The following KDM8 variants were observed in gnomAD, a reference collection of about 807,000 sequenced individuals.
KDM8 encodes bifunctional peptidase and arginyl-hydroxylase JMJD5.
In KDM8, 35 loss-of-function variants were observed where a neutral mutation model predicts 46.9. That is an observed-to-expected ratio of 0.75 (90% CI 0.57 to 0.99). KDM8 has a LOEUF of 0.99. Among genes scored for constraint, KDM8 ranks in the 50% least tolerant of loss-of-function variants. KDM8 has a pLI of 0.00. For synonymous variants in KDM8, 232 were observed against 227.7 expected, an observed-to-expected ratio of 1.02 and a Z score of -0.17; for missense variants, 475 against 537.0, an observed-to-expected ratio of 0.88 and a Z score of 1.14.
At chr16:27,206,901 T>C (rs1054803129) in intron 1 of KDM8, among the ~76,000 whole-genome samples, 1 of 152,162 alleles carries the variant, frequency 6.6e-6, no homozygotes, top group Non-Finnish European at 1.5e-5. Flanking sequence ...AGAGAGTGTT[T>C]CCCCAGCCAG....
Position 27,215,924 on chromosome 16 carries a change from TG to T in KDM8, c.799-19del, listed in dbSNP as rs1567265461. On this transcript the variant is annotated intron_variant, in intron 4 of 7. Transcript: ENST00000286096. The stretch of plus-strand genomic sequence containing the variant: ...CTAACTGGGCTTTCTGTGTTGCCTC[TG>T]GTTTTCCCCGGTGGATTAGCCAAGG... 6.2e-7 allele frequency: 1 copy of T among 1,614,106 alleles called. No individual in the cohort carries two copies. Among genetic ancestry groups the T allele is most frequent in the African/African-American group, 1.3e-5 (1 of 75,056 alleles).
intron 2 of KDM8, chr16:27,211,150 C>T (rs768703263): frequency 3.0e-4 from 132 of 446,058 alleles, no homozygotes; most frequent in Middle Eastern, 1.0e-3. Flanking sequence ...GCAAAGGCAG[C>T]GCCCTTTCAG....
Position 27,219,063 on chromosome 16 carries a change from A to G in KDM8, c.946A>G (p.Thr316Ala), listed in dbSNP as rs1027896823. Residue 316 changes from threonine to alanine, a missense_variant, in exon 6 of 8, where the codon ACC becomes GCC. Coordinates refer to ENST00000286096, the MANE Select transcript of KDM8 (RefSeq NM_024773.3). Reference sequence around the variant, plus strand: ...CAATGCCTGGTTTGGTCCCCAGGGAACCATCTCCCCACTACATCAGGATCC... The same window carrying G: ...CAATGCCTGGTTTGGTCCCCAGGGAGCCATCTCCCCACTACATCAGGATCC... ...TINAWFGPQG[T>A]ISPLHQDPQQ... 3.7e-6 allele frequency: 6 copies of G among 1,613,882 alleles called. No individual in the cohort carries two copies. Among genetic ancestry groups the G allele is most frequent in the Non-Finnish European group, 5.1e-6 (6 of 1,179,928 alleles).
At chr16:27,215,879 C>A in intron 4 of KDM8, 66 bp from the exon 5 acceptor site, 1 of 1,510,700 alleles carries the variant, frequency 6.6e-7, no homozygotes, top group Non-Finnish European at 9.2e-7. Context: ...ACAGCAGCAG[C>A]AGGAGGGCAT....
In KDM8 at chr16:27,213,756, G is replaced by T; in HGVS notation, c.665+5G>T. On this transcript the variant is annotated splice_donor_5th_base_variant and intron_variant, in intron 3 of 7. Coordinates refer to ENST00000286096, the MANE Select transcript of KDM8 (RefSeq NM_024773.3). ...GCCGTGCATGCAGAAGTGGAGGTGGGTGGTCGCTGAGGGAGGTGAGGTCCC... is the reference window on the plus strand; with the variant it reads ...GCCGTGCATGCAGAAGTGGAGGTGGTTGGTCGCTGAGGGAGGTGAGGTCCC... The T allele has an allele frequency of 6.8e-6, 11 of 1,613,476 alleles. No individual in the cohort carries two copies. Among genetic ancestry groups the T allele is most frequent in the Non-Finnish European group, 9.3e-6 (11 of 1,179,610 alleles).
In KDM8 at chr16:27,221,427, G is replaced by C. The variant is rs555705967; in HGVS notation, c.*697G>C. ...GTGGGAGCTTTCTGTCATCCCCATGGCTCAAGGATAACCTACCTGCCTGCA... is the reference window on the plus strand; with the variant it reads ...GTGGGAGCTTTCTGTCATCCCCATGCCTCAAGGATAACCTACCTGCCTGCA... On this transcript the variant is annotated 3_prime_UTR_variant, in exon 8 of 8. Transcript: ENST00000286096. The C allele has an allele frequency of 1.3e-5, 2 of 158,010 alleles. No homozygotes were observed. Among genetic ancestry groups the C allele is most frequent in the Non-Finnish European group, 2.8e-5 (2 of 71,200 alleles). 9.8% of individuals were successfully genotyped at this position (158,010 alleles called of 1,614,324 possible).
intron 1 of KDM8, among the ~76,000 whole-genome samples, chr16:27,208,919 A>G (rs545803076): frequency 6.6e-6 from 1 of 152,386 alleles, no homozygotes; most frequent in South Asian, 2.1e-4. Context: ...ATTGTGAACC[A>G]AGAATGGAAA....
At chr16:27,204,321 G>A in intron 1 of KDM8, 3 of 1,370,108 alleles carry the variant, frequency 2.2e-6, no homozygotes, top group African/African-American at 3.0e-5. Flanking sequence ...GCAAGCCCGG[G>A]GACAGGAGGT....
rs757558905 is a variant in KDM8 at position 27,210,191 on chromosome 16, G to C, written c.68G>C (p.Arg23Thr). ...AREGTLWEAL[R>T]ALLPHSKEDL... Reference sequence around the variant, plus strand: ...GAAGGCACTTTATGGGAGGCCCTCAGGGCGCTCCTGCCGCACAGTAAAGAA... The same window carrying C: ...GAAGGCACTTTATGGGAGGCCCTCACGGCGCTCCTGCCGCACAGTAAAGAA... The change falls in exon 2 of 8, where the codon AGG becomes ACG. Residue 23 changes from arginine to threonine, a missense_variant. Physicochemically the swap from Arg to Thr is moderately conservative, Grantham distance 71. Transcript: ENST00000286096. 3.7e-6 allele frequency: 6 copies of C among 1,613,326 alleles called. No homozygotes were observed. The Admixed American group carries it at 1.0e-4, about 27-fold the overall frequency.
At chr16:27,219,457 T>C (rs1451175948) in intron 6 of KDM8, among the ~76,000 whole-genome samples, 4 of 152,042 alleles carry the variant, frequency 2.6e-5, no homozygotes, top group African/African-American at 7.2e-5. Context: ...AGGTGGCAGG[T>C]TGGGGGAGGA....
In KDM8 at chr16:27,209,115, T is replaced by C. The variant is rs564424401; in HGVS notation, c.-31-978T>C. Among the ~76,000 whole-genome samples the C allele has an allele frequency of 2.3e-4, 35 of 152,380 alleles. No homozygotes were observed. The South Asian group carries it at 7.0e-3, about 31-fold the overall frequency. On this transcript the variant is annotated intron_variant, in intron 1 of 7. Transcript: ENST00000286096. Reference sequence around the variant, plus strand: ...GGATTGCAAGGGACGTGTTAATCTATGTCAAGCATGCAGCATTGACATGGC... The same window carrying C: ...GGATTGCAAGGGACGTGTTAATCTACGTCAAGCATGCAGCATTGACATGGC...
At chr16:27,204,016 C>T (rs1394576266) in intron 1 of KDM8, 10 of 1,268,528 alleles carry the variant, frequency 7.9e-6, no homozygotes, top group South Asian at 6.6e-5. Context: ...TATGTGTGTC[C>T]GCTGCTTTTA....
Position 27,220,549 on chromosome 16 carries a change from T to C in KDM8, c.1087-17T>C, listed in dbSNP as rs1419054355. 2 of 1,614,044 alleles carry C rather than the reference T, an allele frequency of 1.2e-6. No homozygotes were observed. Among genetic ancestry groups the C allele is most frequent in the Admixed American group, 1.7e-5 (1 of 60,006 alleles). The stretch of plus-strand genomic sequence containing the variant: ...CCCACTGCCCCTGGAGATGATGACG[T>C]CCTTTGCTTTCTTCAGGTTGACGTG... On this transcript the variant is annotated splice_polypyrimidine_tract_variant and intron_variant, in intron 7 of 7. Coordinates refer to ENST00000286096, the MANE Select transcript of KDM8 (RefSeq NM_024773.3).
At chr16:27,220,232 AAAG>A (rs1243788196) in intron 6 of KDM8, 158 bp from the exon 7 acceptor site, 1 of 691,454 alleles carries the variant, frequency 1.4e-6, no homozygotes, top group African/African-American at 1.8e-5. Context: ...AAAAAATAAA[AAAG>A]AAAGAAAAAC....
intron 1 of KDM8, among the ~76,000 whole-genome samples, 180 bp from the exon 2 acceptor site, chr16:27,209,913 A>G (rs1321841242): frequency 6.6e-6 from 1 of 152,228 alleles, no homozygotes; most frequent in African/African-American, 2.4e-5. Context: ...GTGTTGCGCC[A>G]GGCCCTGAAG....
chr16:27,215,416 T>TA (rs2083539787), intron 4 of KDM8, among the ~76,000 whole-genome samples: 2 of 152,012 alleles, frequency 1.3e-5, no homozygotes, highest in African/African-American at 4.8e-5. Context: ...CCTGTCTCTA[T>TA]AAAAAATATA....
chr16:27,205,711 A>G (rs1378366826), intron 1 of KDM8, among the ~76,000 whole-genome samples: 1 of 152,142 alleles, frequency 6.6e-6, no homozygotes, highest in East Asian at 1.9e-4. Flanking sequence ...AGTGGCGGGC[A>G]CCTGTAATCC....
At position 27,213,740 on chromosome 16, in the gene KDM8, G is replaced by A; in HGVS notation, c.654G>A (p.Met218Ile). ...LKGVADHWPC[M>I]QKWSLEYIQE... ...GCGTGGCTGACCACTGGCCGTGCAT[G>A]CAGAAGTGGAGGTGGGTGGTCGCTG... is the stretch of plus-strand genomic sequence containing the variant. Residue 218 changes from methionine to isoleucine, a missense_variant, in exon 3 of 8, where the codon ATG becomes ATA. Physicochemically the swap from Met to Ile is conservative, Grantham distance 10. Coordinates refer to ENST00000286096, the MANE Select transcript of KDM8 (RefSeq NM_024773.3). 6.2e-7 allele frequency: 1 copy of A among 1,614,006 alleles called. No individual in the cohort carries two copies. The highest frequency in any genetic ancestry group is 2.2e-5 in the East Asian group (1 of 44,892).
chr16:27,213,428 T>C (rs1381877408), intron 2 of KDM8, 157 bp from the exon 3 acceptor site: 2 of 687,934 alleles, frequency 2.9e-6, no homozygotes, highest in Non-Finnish European at 4.9e-6. Context: ...GAGCAAATAG[T>C]AATAGTAGCA....
Sources: gnomAD v4.1 joint callset for allele counts (sites outside exome capture counted in the v4.1 genomes callset) on GRCh38, gnomAD v4.1.1 for gene constraint, MANE v1.5 for transcripts, NCBI Gene and HGNC (gene_info 2026-07-23, HGNC 2026-07-21) for gene names.